Variants in KIF20A observed in about 807,000 individuals in gnomAD.
KIF20A encodes kinesin-like protein KIF20A.
KIF20A carries 66 observed loss-of-function variants against 113.0 expected under a neutral mutation model. That is an observed-to-expected ratio of 0.58 (90% CI 0.48 to 0.72). KIF20A has a LOEUF of 0.72. KIF20A is among the 30% of genes least tolerant of loss of function. KIF20A has a pLI of 0.00. For missense variants in KIF20A, 927 were observed against 1,077.6 expected (o/e 0.86, Z 1.96); for synonymous variants, 376 against 402.3 (o/e 0.93, Z 0.78).
rs749204429 is a variant in KIF20A, at chr5:138,185,581, C to T, written c.1996C>T (p.Gln666Ter). Residue 666 changes from glutamine (Q) to a stop codon, truncating the protein, a stop_gained, in exon 16 of 19, where the codon CAG becomes TAG. Transcript: ENST00000394894. LOFTEE classifies it high-confidence loss of function. ...AGCCAGACAACAGTCAGTGGCCCAT[C>T]AGCAATCAGGGTCTGAATTGGCCCT... is the stretch of plus-strand genomic sequence containing the variant. ...QEARQQSVAH[Q>*]QSGSELALRR... is the part of the protein sequence containing the mutation. The T allele has an allele frequency of 1.8e-5, 29 of 1,614,040 alleles. No homozygotes were observed. The highest frequency in any genetic ancestry group is 1.6e-5 in the Non-Finnish European group (19 of 1,180,036).
rs776261696 is a variant in KIF20A, at chr5:138,185,960, G to A, written c.2126-1G>A. ...TTAAGTTTCCTGTTTCCTTCCCTCA[G>A]AGTTGCATAAGTATCAGAAAATGTT... On this transcript the variant is annotated splice_acceptor_variant, in intron 16 of 18. Transcript: ENST00000394894. LOFTEE classifies it high-confidence loss of function. The A allele has an allele frequency of 6.2e-7, 1 of 1,613,474 alleles. No homozygotes were observed. Among genetic ancestry groups the A allele is most frequent in the East Asian group, 2.2e-5 (1 of 44,896 alleles).
chr5:138,183,853 T>C lies in KIF20A; in HGVS notation c.1208+97T>C. On this transcript the variant is annotated intron_variant, in intron 10 of 18. Coordinates refer to ENST00000394894, the MANE Select transcript of KIF20A (RefSeq NM_005733.3). This position sits in a 1 kb window ranked among gnomAD's most constrained non-coding sequence, Gnocchi z 5.2. The stretch of plus-strand genomic sequence containing the variant: ...TCAGGGGAACTATGTGTTCTCCTTC[T>C]TTGGGTACAGAGATTCTTAGTGGGC... The C allele has an allele frequency of 6.3e-7, 1 of 1,576,622 alleles. No homozygotes were observed. Among genetic ancestry groups the C allele is most frequent in the South Asian group, 1.1e-5 (1 of 89,318 alleles).
At chr5:138,185,475 G>A (rs1263307693) in intron 15 of KIF20A, 37 bp from the exon 16 acceptor site, 2 of 1,591,894 alleles carry the variant, frequency 1.3e-6, no homozygotes, top group Non-Finnish European at 8.6e-7. Context: ...TATTTTTCTG[G>A]CTCTGCAAAG....
chr5:138,182,626 G>A lies in KIF20A; in HGVS notation c.555G>A (p.Ala185=), dbSNP rs371671153. 9.3e-6 allele frequency: 15 copies of A among 1,614,010 alleles called. No individual in the cohort carries two copies. The highest frequency in any genetic ancestry group is 5.0e-5 in the Admixed American group (3 of 60,004). Reference sequence around the variant, plus strand: ...GAGGGATTCTCCCCCGGTCCCTGGCGCTGATCTTCAATAGCCTCCAAGGCC... The same window carrying A: ...GAGGGATTCTCCCCCGGTCCCTGGCACTGATCTTCAATAGCCTCCAAGGCC... ...KDGGILPRSL[A]LIFNSLQGQL... The change falls in exon 6 of 19, where the codon GCG becomes GCA. Residue 185 remains alanine (A), a synonymous_variant. Transcript: ENST00000394894.
chr5:138,180,309 C>G (rs1754632905), intron 2 of KIF20A, among the ~76,000 whole-genome samples: 1 of 152,172 alleles, frequency 6.6e-6, no homozygotes, highest in Non-Finnish European at 1.5e-5. Context: ...ACATTTGGGG[C>G]TAGACAGTTC....
Position 138,183,744 on chromosome 5 carries a change from C to G in KIF20A, c.1196C>G (p.Pro399Arg). 1 of 1,613,400 alleles carries G rather than the reference C, an allele frequency of 6.2e-7. No individual in the cohort carries two copies. Among genetic ancestry groups the G allele is most frequent in the Non-Finnish European group, 8.5e-7 (1 of 1,179,496 alleles). Residue 399 changes from proline (P) to arginine (R), a missense_variant, in exon 10 of 19, where the codon CCC becomes CGC. Physicochemically the swap from Pro to Arg is moderately radical, Grantham distance 103. Coordinates refer to ENST00000394894, the MANE Select transcript of KIF20A (RefSeq NM_005733.3). This position sits in a 1 kb window ranked among gnomAD's most constrained non-coding sequence, Gnocchi z 5.2. ...LHLQGEGDIV[P>R]KISELSLCDL... ...CTTCAGGGGGAAGGAGATATAGTCC[C>G]CAAGATCAGCGAGTAAGTTTATCCA...
At chr5:138,185,372 A>G in intron 15 of KIF20A, 140 bp from the exon 16 acceptor site, 1 of 880,132 alleles carries the variant, frequency 1.1e-6, no homozygotes, top group Non-Finnish European at 1.8e-6. Flanking sequence ...TTAAGGGTTT[A>G]GTTGGCCAGG....
chr5:138,185,608 C>A lies in KIF20A; in HGVS notation c.2023C>A (p.Arg675=), dbSNP rs564342284. The change falls in exon 16 of 19, where the codon CGG becomes AGG. Residue 675 remains arginine (R), a synonymous_variant. Coordinates refer to ENST00000394894, the MANE Select transcript of KIF20A (RefSeq NM_005733.3). Reference sequence around the variant, plus strand: ...GCAATCAGGGTCTGAATTGGCCCTACGGCGGTCACAAAGGTTGGCAGCTTC... The same window carrying A: ...GCAATCAGGGTCTGAATTGGCCCTAAGGCGGTCACAAAGGTTGGCAGCTTC... ...HQQSGSELAL[R]RSQRLAASAS... 6.2e-7 allele frequency: 1 copy of A among 1,614,196 alleles called. No individual in the cohort carries two copies. Among genetic ancestry groups the A allele is most frequent in the Non-Finnish European group, 8.5e-7 (1 of 1,180,024 alleles).
chr5:138,182,422 T>A lies in KIF20A; in HGVS notation c.475T>A (p.Tyr159Asn), dbSNP rs1190778802. The A allele has an allele frequency of 1.9e-6, 3 of 1,614,150 alleles. No homozygotes were observed. Among genetic ancestry groups the A allele is most frequent in the Non-Finnish European group, 2.5e-6 (3 of 1,180,006 alleles). Reference protein sequence around the residue: ...LKGQNWLIYTYGVTNSGKTHT... With the variant: ...LKGQNWLIYTNGVTNSGKTHT... ...AGGGCAGAACTGGCTCATCTATACA[T>A]ATGGAGTCACTAACTCAGGGAAAAC... The change falls in exon 5 of 19, where the codon TAT becomes AAT. Residue 159 changes from tyrosine to asparagine, a missense_variant. Physicochemically the swap from Tyr to Asn is moderately radical, Grantham distance 143 (BLOSUM62 -2). Transcript: ENST00000394894.
Position 138,181,516 on chromosome 5 carries a change from G to C in KIF20A, c.255+5G>C. On this transcript the variant is annotated splice_donor_5th_base_variant and intron_variant, in intron 3 of 18. Transcript: ENST00000394894. ...TTGGAACGACAGGAAGATCAGGTAA[G>C]TGTCTGAGAAGGGAGGATTCAAGGT... The C allele has an allele frequency of 3.7e-6, 6 of 1,614,150 alleles. No homozygotes were observed. In the South Asian group the frequency reaches 5.5e-5, roughly 15 times the overall value.
In KIF20A at chr5:138,183,917, C is replaced by T; in HGVS notation, c.1209-45C>T. ...GAATTATACAAAGGGCCAGAAGGCT[C>T]ATAACATGTGAGGCCCTTATGTCAG... On this transcript the variant is annotated intron_variant, in intron 10 of 18. Coordinates refer to ENST00000394894, the MANE Select transcript of KIF20A (RefSeq NM_005733.3). The surrounding 1 kb of genome is among the most constrained non-coding windows in gnomAD (Gnocchi z 5.2). 4 of 1,612,230 alleles carry T rather than the reference C, an allele frequency of 2.5e-6. No individual in the cohort carries two copies. The highest frequency in any genetic ancestry group is 3.4e-6 in the Non-Finnish European group (4 of 1,178,832).
chr5:138,180,659 T>TG (rs1475125706), intron 2 of KIF20A, among the ~76,000 whole-genome samples: 3 of 151,810 alleles, frequency 2.0e-5, no homozygotes, highest in African/African-American at 4.9e-5. Flanking sequence ...TCTAAATATC[T>TG]GGGTTTTTTT....
Position 138,182,865 on chromosome 5 carries a change from A to G in KIF20A, c.707A>G (p.Glu236Gly), listed in dbSNP as rs775696409. Residue 236 changes from glutamate to glycine, a missense_variant, in exon 7 of 19, where the codon GAG becomes GGG. Glu to Gly is a moderately conservative substitution (Grantham distance 98). Transcript: ENST00000394894. ...SLLNGGLQEE[E>G]LSTSLKRSVY... The stretch of plus-strand genomic sequence containing the variant: ...CTTCTCCCTGTGCCCCTCCAGGAGG[A>G]GCTGTCCACTTCCTTGAAGAGGAGT... 13 of 1,614,130 alleles carry G rather than the reference A, an allele frequency of 8.1e-6. 1 individual carries two copies. The Admixed American group carries it at 2.2e-4, about 27-fold the overall frequency.
At position 138,182,632 on chromosome 5, in the gene KIF20A, C is replaced by T. The variant is rs1387898384; in HGVS notation, c.561C>T (p.Ile187=). 1.9e-6 allele frequency: 3 copies of T among 1,614,176 alleles called. No homozygotes were observed. The highest frequency in any genetic ancestry group is 2.5e-6 in the Non-Finnish European group (3 of 1,180,042). The part of the protein sequence containing the change: ...GGILPRSLAL[I]FNSLQGQLHP... ...TTCTCCCCCGGTCCCTGGCGCTGAT[C>T]TTCAATAGCCTCCAAGGCCAACTTC... Residue 187 remains isoleucine (I), a synonymous_variant, in exon 6 of 19, where the codon ATC becomes ATT. Transcript: ENST00000394894.
intron 16 of KIF20A, 57 bp from the exon 17 acceptor site, chr5:138,185,903 GT>G: frequency 6.8e-7 from 1 of 1,480,532 alleles, no homozygotes. Context: ...AGTTAAAGAG[GT>G]TAGTCCAAGG....
At chr5:138,179,438 CTG>C in intron 1 of KIF20A, 1 of 491,880 alleles carries the variant, frequency 2.0e-6, no homozygotes. Context: ...AGCCAGATGT[CTG>C]TGGACTTCTG....
Position 138,184,941 on chromosome 5 carries a change from G to T in KIF20A, c.1818G>T (p.Trp606Cys), listed in dbSNP as rs531113180. 1 of 1,614,102 alleles carries T rather than the reference G, an allele frequency of 6.2e-7. No individual in the cohort carries two copies. Among genetic ancestry groups the T allele is most frequent in the South Asian group, 1.1e-5 (1 of 91,068 alleles). ...AACAGATGCAACAGCGGGAACAGTG[G>T]TGCAGGTACTAGCTGAGTGACCCCT... Reference protein sequence around the residue: ...MVEQMQQREQWCSEHLDTQKE... With the variant: ...MVEQMQQREQCCSEHLDTQKE... The change falls in exon 14 of 19, where the codon TGG becomes TGT. Residue 606 changes from tryptophan (W) to cysteine (C), a missense_variant. Transcript: ENST00000394894.
chr5:138,179,857 G>T lies in KIF20A; in HGVS notation c.165+12G>T, dbSNP rs1455886674. 8 of 1,613,516 alleles carry T rather than the reference G, an allele frequency of 5.0e-6. No individual in the cohort carries two copies. The highest frequency in any genetic ancestry group is 6.8e-6 in the Non-Finnish European group (8 of 1,179,776). ...AGGACAAGCAGCAGGTAAAGGAACT[G>T]GGGAGTGGCTGGGGCGGAAAGTGAT... is the stretch of plus-strand genomic sequence containing the variant. On this transcript the variant is annotated intron_variant, in intron 2 of 18. Coordinates refer to ENST00000394894, the MANE Select transcript of KIF20A (RefSeq NM_005733.3).
At position 138,183,858 on chromosome 5, in the gene KIF20A, G is replaced by A. The variant is rs753289561; in HGVS notation, c.1208+102G>A. 2.5e-6 allele frequency: 4 copies of A among 1,577,970 alleles called. No individual in the cohort carries two copies. Among genetic ancestry groups the A allele is most frequent in the Non-Finnish European group, 3.5e-6 (4 of 1,151,094 alleles). ...GGAACTATGTGTTCTCCTTCTTTGG[G>A]TACAGAGATTCTTAGTGGGCCGTCC... On this transcript the variant is annotated intron_variant, in intron 10 of 18. Coordinates refer to ENST00000394894, the MANE Select transcript of KIF20A (RefSeq NM_005733.3). This position sits in a 1 kb window ranked among gnomAD's most constrained non-coding sequence, Gnocchi z 5.2.
Sources: allele counts gnomAD v4.1 joint callset (sites outside exome capture counted in the v4.1 genomes callset), GRCh38; gene constraint gnomAD v4.1.1; non-coding constraint Gnocchi (gnomAD v3.1); transcripts MANE v1.5; gene names NCBI Gene and HGNC (gene_info 2026-07-23, HGNC 2026-07-21).